TMCC1: variants seen among roughly 807,000 people sequenced by gnomAD.
TMCC1 encodes the protein transmembrane and coiled-coil domain family 1.
In TMCC1, 15 loss-of-function variants were observed where a neutral mutation model predicts 52.4. That is an observed-to-expected ratio of 0.29 (90% CI 0.19 to 0.44). The LOEUF is 0.44. Ranked by LOEUF, TMCC1 falls within the 20% of genes least tolerant of loss-of-function variation. TMCC1 has a pLI of 1.00. For synonymous variants in TMCC1, 279 were observed against 301.9 expected, an observed-to-expected ratio of 0.92 and a Z score of 0.79; for missense variants, 503 against 806.0, an observed-to-expected ratio of 0.62 and a Z score of 4.55.
intron 4 of TMCC1, chr3:129,688,329 G>T: frequency 1.0e-6 from 1 of 985,128 alleles, no homozygotes; most frequent in Non-Finnish European, 1.2e-6. Flanking sequence ...CTTCCAAACT[G>T]CAGAGGAGCT....
chr3:129,684,797 T>TA (rs752892974), intron 4 of TMCC1, among the ~76,000 whole-genome samples: 2 of 152,150 alleles, frequency 1.3e-5, no homozygotes, highest in African/African-American at 2.4e-5. Flanking sequence ...TAGGATAGCT[T>TA]AGAGAAAATT....
intron 2 of TMCC1, among the ~76,000 whole-genome samples, chr3:129,875,726 G>A (rs2061171974): frequency 6.6e-6 from 1 of 151,950 alleles, no homozygotes; most frequent in Admixed American, 6.6e-5. Flanking sequence ...AAGAAAAAGA[G>A]GTCTTCCATA....
At chr3:129,694,899 C>CCA (rs1188251606) in intron 4 of TMCC1, among the ~76,000 whole-genome samples, 4 of 151,700 alleles carry the variant, frequency 2.6e-5, no homozygotes, top group Non-Finnish European at 5.9e-5. Flanking sequence ...TGTGCGAGAT[C>CCA]CAAGAACCCT....
In TMCC1 at chr3:129,795,027, T is replaced by A. The variant is rs545326802; in HGVS notation, c.576+32776A>T. ...GGCAGCTGTGCGGCTTTGTCTAGCA[T>A]AATTGGCCAAGCCTTTCCTCTTATT... On this transcript the variant is annotated intron_variant, in intron 4 of 6. Coordinates refer to ENST00000393238, the MANE Select transcript of TMCC1 (RefSeq NM_001017395.5). Among the ~76,000 whole-genome samples the A allele has an allele frequency of 3.9e-4, 59 of 152,240 alleles. 1 individual carries two copies. The South Asian group carries it at 0.011, about 29-fold the overall frequency.
chr3:129,843,341 C>T (rs1198339596), intron 2 of TMCC1, among the ~76,000 whole-genome samples: 2 of 150,120 alleles, frequency 1.3e-5, no homozygotes, highest in Admixed American at 6.6e-5. Context: ...AGCAAGACAC[C>T]GTCTCAAAAA....
chr3:129,736,661 A>G (rs1203845475), intron 4 of TMCC1, among the ~76,000 whole-genome samples: 3 of 151,646 alleles, frequency 2.0e-5, no homozygotes, highest in Non-Finnish European at 4.4e-5. Context: ...AGCTGGGATC[A>G]CAGGCGCCCG....
chr3:129,805,388 C>A (rs545359294), intron 4 of TMCC1, among the ~76,000 whole-genome samples: 1 of 152,126 alleles, frequency 6.6e-6, no homozygotes, highest in African/African-American at 2.4e-5. Context: ...TTCTCGAACT[C>A]CTGGGCTCAA....
chr3:129,792,203 C>T (rs1480480749), intron 4 of TMCC1, among the ~76,000 whole-genome samples: 2 of 147,902 alleles, frequency 1.4e-5, no homozygotes, highest in African/African-American at 2.5e-5. Flanking sequence ...TATATATATA[C>T]ACATATATAT....
chr3:129,795,373 A>C lies in TMCC1; in HGVS notation c.576+32430T>G, dbSNP rs527534054. Among the ~76,000 whole-genome samples, 70 of 152,334 alleles carry C rather than the reference A, an allele frequency of 4.6e-4. 1 individual carries two copies. The highest frequency in any genetic ancestry group is 1.6e-3 in the African/African-American group (67 of 41,568). ...TGTGAGGATAACGTTTCATTTAATGAAACTTTCCAGTCTATGTGCTCCTCT... is the reference window on the plus strand; with the variant it reads ...TGTGAGGATAACGTTTCATTTAATGCAACTTTCCAGTCTATGTGCTCCTCT... On this transcript the variant is annotated intron_variant, in intron 4 of 6. Coordinates refer to ENST00000393238, the MANE Select transcript of TMCC1 (RefSeq NM_001017395.5).
chr3:129,740,018 T>TC (rs2051321968), intron 4 of TMCC1, among the ~76,000 whole-genome samples: 1 of 152,258 alleles, frequency 6.6e-6, no homozygotes, highest in East Asian at 1.9e-4. Flanking sequence ...TTCTCTCAAA[T>TC]AATGTTTCTC....
chr3:129,704,060 G>A (rs2048035873), intron 4 of TMCC1, among the ~76,000 whole-genome samples: 1 of 152,162 alleles, frequency 6.6e-6, no homozygotes, highest in African/African-American at 2.4e-5. Flanking sequence ...GGAGAAACCA[G>A]TAAGATTTGT....
intron 4 of TMCC1, among the ~76,000 whole-genome samples, chr3:129,796,275 G>A (rs75127257): frequency 6.6e-6 from 1 of 152,152 alleles, no homozygotes; most frequent in South Asian, 2.1e-4. Context: ...TATAGCCGAG[G>A]TGTGTAGTAG....
intron 4 of TMCC1, among the ~76,000 whole-genome samples, chr3:129,745,968 G>T (rs543337467): frequency 2.7e-4 from 41 of 150,324 alleles, no homozygotes; most frequent in African/African-American, 8.8e-4. Context: ...TGTTGCCCAC[G>T]CTGGTCTCAA....
intron 4 of TMCC1, among the ~76,000 whole-genome samples, chr3:129,820,035 C>G (rs536479563): frequency 6.6e-6 from 1 of 150,562 alleles, no homozygotes; most frequent in South Asian, 2.1e-4. Flanking sequence ...AATTTCTTAT[C>G]TAGAAGGTGT....
intron 4 of TMCC1, among the ~76,000 whole-genome samples, chr3:129,797,780 A>G (rs967665876): frequency 1.3e-5 from 2 of 152,200 alleles, no homozygotes; most frequent in Non-Finnish European, 2.9e-5. Context: ...ACTCTTAAAA[A>G]CTTTAAGCAG....
In TMCC1 at chr3:129,828,479, G is replaced by T; in HGVS notation, c.-101C>A. ...ATTTGCTTCAACAGTGACTACGCAT[G>T]CAGCTGTGAGACGAAGGCTTCATGC... is the stretch of plus-strand genomic sequence containing the variant. On this transcript the variant is annotated 5_prime_UTR_variant, in exon 4 of 7. The change creates a premature stop within an existing upstream ORF in the 5' untranslated region. Transcript: ENST00000393238. This position sits in a 1 kb window ranked among gnomAD's most constrained non-coding sequence, Gnocchi z 4.1. The T allele has an allele frequency of 8.9e-7, 1 of 1,129,492 alleles. No homozygotes were observed. The highest frequency in any genetic ancestry group is 1.3e-6 in the Non-Finnish European group (1 of 782,218). The allele number at this position is 1,129,492 out of a possible 1,614,324, so 70.0% of individuals were successfully genotyped here.
In TMCC1 at chr3:129,683,641, T is replaced by G. The variant is rs927119131; in HGVS notation, c.577-12377A>C. Among the ~76,000 whole-genome samples, 4 of 152,196 alleles carry G rather than the reference T, an allele frequency of 2.6e-5. No individual in the cohort carries two copies. The East Asian group carries it at 7.7e-4, about 29-fold the overall frequency. On this transcript the variant is annotated intron_variant, in intron 4 of 6. Coordinates refer to ENST00000393238, the MANE Select transcript of TMCC1 (RefSeq NM_001017395.5). The stretch of plus-strand genomic sequence containing the variant: ...ATGCAGTTTTGTTACATGGACATAT[T>G]GTACAGAGGTGAACTCTGGGCTTTT...
chr3:129,797,983 T>A (rs1459783619), intron 4 of TMCC1, among the ~76,000 whole-genome samples: 6 of 115,954 alleles, frequency 5.2e-5, no homozygotes, highest in Admixed American at 1.2e-4. Flanking sequence ...CCGAGTTGTG[T>A]GCCTTTTTTT....
chr3:129,846,951 C>T (rs2059693638), intron 2 of TMCC1: 2 of 150,928 alleles, frequency 1.3e-5, no homozygotes, highest in Admixed American at 1.3e-4. Context: ...TATGATCACA[C>T]CACTGTACCT....
Sources: allele counts gnomAD v4.1 joint callset (sites outside exome capture counted in the v4.1 genomes callset), GRCh38; gene constraint gnomAD v4.1.1; non-coding constraint Gnocchi (gnomAD v3.1); transcripts MANE v1.5; gene names NCBI Gene and HGNC (gene_info 2026-07-23, HGNC 2026-07-21).